CCDC92B: variants seen among roughly 807,000 people sequenced by gnomAD.
CCDC92B encodes coiled-coil domain-containing 92B.
In CCDC92B, 2 loss-of-function variants were observed where a neutral mutation model predicts 5.6. The ratio of observed to expected loss-of-function variants is 0.36; its 90% CI spans 0.15 to 1.12. The LOEUF (loss-of-function observed/expected upper bound fraction) is 1.12. Among genes scored for constraint, CCDC92B ranks in the 50% most tolerant of loss-of-function variants. The pLI, the probability that CCDC92B is intolerant of heterozygous loss-of-function variation, is 0.40. For missense variants in CCDC92B, 271 were observed against 262.2 expected (o/e 1.03, Z -0.23); for synonymous variants, 115 against 122.3 (o/e 0.94, Z 0.39).
At chr17:2,746,600 A>G (rs1597247943) in intron 1 of CCDC92B, among the ~76,000 whole-genome samples, 1 of 151,868 alleles carries the variant, frequency 6.6e-6, no homozygotes, top group East Asian at 1.9e-4. Context: ...GTTTCTGGAG[A>G]TTCTGGGTAC....
intron 3 of CCDC92B, among the ~76,000 whole-genome samples, chr17:2,725,502 C>T (rs1363456513): frequency 6.6e-6 from 1 of 151,712 alleles, no homozygotes; most frequent in Non-Finnish European, 1.5e-5. Flanking sequence ...CTTGTTCCGC[C>T]CTCGTACCTA....
intron 1 of CCDC92B, among the ~76,000 whole-genome samples, chr17:2,743,464 A>G (rs1203409648): frequency 2.0e-5 from 3 of 152,266 alleles, no homozygotes; most frequent in East Asian, 1.9e-4. Flanking sequence ...AAGTCTGATC[A>G]TGTCTCCCCA....
intron 1 of CCDC92B, among the ~76,000 whole-genome samples, chr17:2,739,211 C>CA (rs1166077736): frequency 2.7e-5 from 4 of 146,780 alleles, no homozygotes; most frequent in Non-Finnish European, 4.5e-5. Flanking sequence ...ACTAAAAATA[C>CA]AAAAAATTAG....
At chr17:2,727,390 C>T (rs534262902) in intron 3 of CCDC92B, among the ~76,000 whole-genome samples, 23 of 152,314 alleles carry the variant, frequency 1.5e-4, no homozygotes, top group Admixed American at 4.6e-4. Context: ...TCACGTGCAG[C>T]GTGAGTTGAG....
intron 1 of CCDC92B, among the ~76,000 whole-genome samples, chr17:2,741,871 C>A (rs538933976): frequency 1.7e-4 from 25 of 150,332 alleles, no homozygotes; most frequent in Non-Finnish European, 3.1e-4. Context: ...GGATCACAGG[C>A]GTGAGCCACC....
At chr17:2,749,357 C>G (rs560094751) in intron 1 of CCDC92B, 54 bp downstream of exon 1, 57 of 151,962 alleles carry the variant, frequency 3.8e-4, no homozygotes, top group Non-Finnish European at 5.9e-4. Context: ...GCTGCTCCCC[C>G]CTGGGGCCGC....
chr17:2,727,520 AC>A (rs1296357743), intron 3 of CCDC92B, among the ~76,000 whole-genome samples: 1 of 152,216 alleles, frequency 6.6e-6, no homozygotes, highest in Non-Finnish European at 1.5e-5. Flanking sequence ...GATGAAAATC[AC>A]CAAGTGATAA....
intron 1 of CCDC92B, among the ~76,000 whole-genome samples, chr17:2,745,230 C>T (rs1158027497): frequency 6.6e-6 from 1 of 151,898 alleles, no homozygotes; most frequent in Non-Finnish European, 1.5e-5. Context: ...TCAAGGAGTA[C>T]GTGTGTGTGT....
Position 2,723,592 on chromosome 17 carries a change from C to T in CCDC92B, c.*819G>A, listed in dbSNP as rs2070683731. 1 of 152,300 alleles carries T rather than the reference C, an allele frequency of 6.6e-6. No individual in the cohort carries two copies. The highest frequency in any genetic ancestry group is 2.4e-5 in the African/African-American group (1 of 41,418). The allele number at this position is 152,300 out of a possible 1,614,324, so 9.4% of individuals were successfully genotyped here. A position where few individuals can be genotyped will look rare whatever the true frequency, so the allele number is the denominator to read the frequency against. On this transcript the variant is annotated 3_prime_UTR_variant, in exon 4 of 4. Coordinates refer to ENST00000614400, the MANE Select transcript of CCDC92B (RefSeq NM_001355573.2). ...CCAGGAAAACGCCTGGGGCTGCCTCCTGAGAAGGAAGACAGCTCCTGCCTT... is the reference window on the plus strand; with the variant it reads ...CCAGGAAAACGCCTGGGGCTGCCTCTTGAGAAGGAAGACAGCTCCTGCCTT...
At chr17:2,741,587 G>A (rs1480065728) in intron 1 of CCDC92B, among the ~76,000 whole-genome samples, 1 of 145,320 alleles carries the variant, frequency 6.9e-6, no homozygotes, top group East Asian at 2.0e-4. Flanking sequence ...GCCGAGGCAG[G>A]AGAATCTCTT....
intron 2 of CCDC92B, among the ~76,000 whole-genome samples, chr17:2,731,525 GACC>G (rs769666236): frequency 1.3e-5 from 2 of 152,136 alleles, no homozygotes; most frequent in Non-Finnish European, 2.9e-5. Context: ...ACATCTCTGG[GACC>G]ACCACCCAGC....
intron 3 of CCDC92B, among the ~76,000 whole-genome samples, chr17:2,729,152 G>A (rs994876309): frequency 2.6e-5 from 4 of 152,014 alleles, no homozygotes; most frequent in African/African-American, 9.7e-5. Flanking sequence ...GATTACAGGC[G>A]TGAGCCACCA....
chr17:2,725,988 CTTTT>C (rs565583381), intron 3 of CCDC92B, among the ~76,000 whole-genome samples: 10 of 78,256 alleles, frequency 1.3e-4, no homozygotes, highest in South Asian at 5.2e-4. Context: ...TTTATCACGT[CTTTT>C]TTTTTTTTTT....
chr17:2,748,222 TC>T, intron 1 of CCDC92B: 1 of 634,408 alleles, frequency 1.6e-6, no homozygotes. Flanking sequence ...AGCCAGGCCA[TC>T]CCCTCACTTA....
At position 2,731,126 on chromosome 17, in the gene CCDC92B, C is replaced by T. The variant is rs187123724; in HGVS notation, c.131-633G>A. On this transcript the variant is annotated intron_variant, in intron 2 of 3. Transcript: ENST00000614400. ...GAGAAGGGCTTCGAGCAGGACGGTGCGGTCTATTGATGGGGGCCGGGCTTG... is the reference window on the plus strand; with the variant it reads ...GAGAAGGGCTTCGAGCAGGACGGTGTGGTCTATTGATGGGGGCCGGGCTTG... Among the ~76,000 whole-genome samples the T allele has an allele frequency of 7.7e-4, 118 of 152,302 alleles. No individual in the cohort carries two copies. The East Asian group carries it at 0.013, about 16-fold the overall frequency.
At chr17:2,738,773 G>GA (rs1435176065) in intron 1 of CCDC92B, among the ~76,000 whole-genome samples, 2 of 130,220 alleles carry the variant, frequency 1.5e-5, no homozygotes, top group African/African-American at 5.9e-5. Context: ...AAAAAAAAAA[G>GA]AAAAAAGAAA....
In CCDC92B at chr17:2,721,125, T is replaced by A. The variant is rs1044418566; in HGVS notation, c.*3286A>T. 6 of 152,332 alleles carry A rather than the reference T, an allele frequency of 3.9e-5. No individual in the cohort carries two copies. Among genetic ancestry groups the A allele is most frequent in the African/African-American group, 1.4e-4 (6 of 41,454 alleles). 9.4% of individuals were successfully genotyped at this position (152,332 alleles called of 1,614,324 possible). A position where few individuals can be genotyped will look rare whatever the true frequency, so the allele number is the denominator to read the frequency against. ...GGGGGACGCCATCCTACTGCTTATATGGGGAAGGGTTATCCCATTTTGGCC... is the reference window on the plus strand; with the variant it reads ...GGGGGACGCCATCCTACTGCTTATAAGGGGAAGGGTTATCCCATTTTGGCC... On this transcript the variant is annotated 3_prime_UTR_variant, in exon 4 of 4. Transcript: ENST00000614400.
At chr17:2,744,703 T>A (rs17834980) in intron 1 of CCDC92B, among the ~76,000 whole-genome samples, 57,923 of 151,898 alleles carry the variant, frequency 0.38, 11,426 homozygotes, top group East Asian at 0.5. Context: ...AGATGCCATG[T>A]GTTAGGGGTG....
intron 2 of CCDC92B, among the ~76,000 whole-genome samples, chr17:2,732,485 GGT>G (rs1325019868): frequency 4.6e-5 from 7 of 152,298 alleles, no homozygotes; most frequent in Non-Finnish European, 8.8e-5. Context: ...GGGAGGCCAC[GGT>G]GGGCAGATCA....
Sources: allele counts gnomAD v4.1 joint callset (sites outside exome capture counted in the v4.1 genomes callset), GRCh38; gene constraint gnomAD v4.1.1; transcripts MANE v1.5; gene names NCBI Gene and HGNC (gene_info 2026-07-23, HGNC 2026-07-21).